Variants in GRID1 observed in about 807,000 individuals in gnomAD.
GRID1 encodes the protein glutamate receptor ionotropic, delta-1.
Under a neutral mutation model 98.0 loss-of-function variants are expected in GRID1, and 28 were observed. The observed-to-expected ratio is 0.29, with a 90% confidence interval of 0.21 to 0.39. The LOEUF is 0.39. Among genes scored for constraint, GRID1 ranks in the 10% least tolerant of loss-of-function variants. GRID1 has a pLI of 1.00. For missense variants in GRID1, 1,111 were observed against 1,340.5 expected (o/e 0.83, Z 2.67); for synonymous variants, 553 against 538.5 (o/e 1.03, Z -0.37).
chr10:85,852,954 A>T (rs917693947), intron 8 of GRID1, among the ~76,000 whole-genome samples: 1 of 152,234 alleles, frequency 6.6e-6, no homozygotes, highest in Admixed American at 6.5e-5. Context: ...CAAGCCATGT[A>T]TGTCAGATAT....
rs1443385873 is a variant in GRID1 at position 85,724,638 on chromosome 10, T to G, written c.1572A>C (p.Pro524=). The G allele has an allele frequency of 3.1e-6, 5 of 1,612,310 alleles. No homozygotes were observed. The highest frequency in any genetic ancestry group is 4.2e-6 in the Non-Finnish European group (5 of 1,179,206). The change falls in exon 11 of 16, where the codon CCA becomes CCC. Residue 524 remains proline (P), a synonymous_variant. Transcript: ENST00000327946. ...DLAISAITIT[P]ERESVVDFSK... ...TGAAGTCCACAACGCTCTCCCTCTC[T>G]GGGGTGATGGTGATGGCAGAGATGG...
chr10:86,210,187 C>T (rs1368906355), intron 2 of GRID1, among the ~76,000 whole-genome samples: 1 of 152,140 alleles, frequency 6.6e-6, no homozygotes, highest in Non-Finnish European at 1.5e-5. Flanking sequence ...GACTTAGAAC[C>T]TTTCAGGGTC....
chr10:86,337,869 G>A (rs10887580), intron 2 of GRID1, among the ~76,000 whole-genome samples: 41,321 of 151,646 alleles, frequency 0.27, 7,150 homozygotes, highest in Admixed American at 0.39. Context: ...CACCACACCC[G>A]GCTAATTTTT....
At chr10:86,157,195 CACATCTTAATCAGATGCTTGAAA>C (rs1053690304) in intron 3 of GRID1, among the ~76,000 whole-genome samples, 2 of 152,154 alleles carry the variant, frequency 1.3e-5, no homozygotes, top group African/African-American at 4.8e-5. Flanking sequence ...GGTATTAAAG[CACATCTTAATCAGATGCTTGAAA>C]ACTTGAGTCC....
At chr10:86,261,277 G>C (rs1847012098) in intron 2 of GRID1, among the ~76,000 whole-genome samples, 1 of 152,242 alleles carries the variant, frequency 6.6e-6, no homozygotes, top group Non-Finnish European at 1.5e-5. Context: ...TATGCTAGCA[G>C]GGCCTGCAGG....
At chr10:86,359,761 T>C (rs1280939638) in intron 2 of GRID1, among the ~76,000 whole-genome samples, 3 of 152,260 alleles carry the variant, frequency 2.0e-5, no homozygotes, top group Non-Finnish European at 2.9e-5. Context: ...ATAAATTATA[T>C]GCATTTATAT....
At chr10:85,906,487 A>T (rs1296022691) in intron 5 of GRID1, among the ~76,000 whole-genome samples, 1 of 152,204 alleles carries the variant, frequency 6.6e-6, no homozygotes, top group African/African-American at 2.4e-5. Context: ...AGCAGGAAAG[A>T]CAATATACTG....
chr10:85,796,692 A>C (rs1842529053), intron 8 of GRID1, among the ~76,000 whole-genome samples: 1 of 142,820 alleles, frequency 7.0e-6, no homozygotes, highest in South Asian at 2.3e-4. Context: ...AGTTAAAATG[A>C]TCTAACTCAA....
At chr10:85,903,107 A>T (rs10887536) in intron 5 of GRID1, among the ~76,000 whole-genome samples, 1 of 151,826 alleles carries the variant, frequency 6.6e-6, no homozygotes, top group Non-Finnish European at 1.5e-5. Context: ...ATTCATATCA[A>T]CAGCTTTACC....
chr10:86,055,802 C>T (rs1447693241), intron 4 of GRID1, among the ~76,000 whole-genome samples: 4 of 139,916 alleles, frequency 2.9e-5, no homozygotes, highest in Non-Finnish European at 6.2e-5. Flanking sequence ...ACCAGAGAGC[C>T]TGTGCTCTCA....
chr10:85,789,790 G>A (rs1842461921), intron 8 of GRID1, among the ~76,000 whole-genome samples: 1 of 152,106 alleles, frequency 6.6e-6, no homozygotes, highest in African/African-American at 2.4e-5. Context: ...CAGGGGGTGG[G>A]TCCTGAACAT....
chr10:85,880,194 C>G (rs946725541), intron 5 of GRID1, among the ~76,000 whole-genome samples: 1 of 152,170 alleles, frequency 6.6e-6, no homozygotes, highest in Non-Finnish European at 1.5e-5. Flanking sequence ...ACCACAGGTA[C>G]AAGGAGGAGC....
At chr10:86,349,361 A>C (rs1012387278) in intron 2 of GRID1, among the ~76,000 whole-genome samples, 2 of 152,148 alleles carry the variant, frequency 1.3e-5, no homozygotes, top group African/African-American at 4.8e-5. Context: ...AGCCCGGGTG[A>C]GCTTCTATTT....
chr10:86,053,636 G>A (rs1482562476), intron 4 of GRID1, among the ~76,000 whole-genome samples: 2 of 152,156 alleles, frequency 1.3e-5, no homozygotes, highest in African/African-American at 2.4e-5. Flanking sequence ...TTACAGGCAT[G>A]AGCCACCATG....
chr10:85,923,940 G>T (rs1052280321), intron 4 of GRID1, among the ~76,000 whole-genome samples: 13 of 152,174 alleles, frequency 8.5e-5, no homozygotes, highest in Non-Finnish European at 1.6e-4. Context: ...AAAATTCCTG[G>T]ATCACATGCA....
intron 3 of GRID1, among the ~76,000 whole-genome samples, chr10:86,196,338 G>A (rs1028511403): frequency 6.6e-6 from 1 of 152,008 alleles, no homozygotes; most frequent in Admixed American, 6.6e-5. Context: ...GCATTGTCCT[G>A]GGTACTGCGG....
At chr10:85,966,055 T>C (rs1379015035) in intron 4 of GRID1, among the ~76,000 whole-genome samples, 1 of 152,156 alleles carries the variant, frequency 6.6e-6, no homozygotes, top group Non-Finnish European at 1.5e-5. Context: ...AAAGTTCCAT[T>C]CTCCAGGGCA....
rs575895651 is a variant in GRID1 at position 85,802,423 on chromosome 10, T to C, written c.1233+52073A>G. ...GAGAACCCAGAAGCAGACCCACATA[T>C]ATATGAATATGAAAATTTGCCTATA... On this transcript the variant is annotated intron_variant, in intron 8 of 15. Transcript: ENST00000327946. Among the ~76,000 whole-genome samples the C allele has an allele frequency of 9.9e-5, 15 of 152,164 alleles. No individual in the cohort carries two copies. In the East Asian group the frequency reaches 2.9e-3, roughly 29 times the overall value.
intron 8 of GRID1, among the ~76,000 whole-genome samples, chr10:85,756,299 T>G (rs1285804607): frequency 6.6e-6 from 1 of 152,198 alleles, no homozygotes; most frequent in African/African-American, 2.4e-5. Flanking sequence ...TCGCCGTAGA[T>G]CTTAGCAACC....
Sources: allele counts gnomAD v4.1 joint callset (sites outside exome capture counted in the v4.1 genomes callset), GRCh38; gene constraint gnomAD v4.1.1; transcripts MANE v1.5; gene names NCBI Gene and HGNC (gene_info 2026-07-23, HGNC 2026-07-21).